SLC24A2: variants seen among roughly 807,000 people sequenced by gnomAD.
SLC24A2 encodes the protein solute carrier family 24 member 2, also known as sodium/potassium/calcium exchanger 2.
SLC24A2 carries 36 observed loss-of-function variants against 62.0 expected under a neutral mutation model. The observed-to-expected ratio is 0.58, with a 90% CI of 0.44 to 0.77. The LOEUF (loss-of-function observed/expected upper bound fraction) is 0.77, where lower values mean the gene tolerates loss of function less well. SLC24A2 is among the 30% of genes least tolerant of loss of function. The probability of loss-of-function intolerance (pLI) is 0.00; values close to 1 mark genes in which losing one functional copy is unlikely to be tolerated. For missense variants in SLC24A2, 846 were observed against 817.9 expected (o/e 1.03, Z -0.42); for synonymous variants, 358 against 294.0 (o/e 1.22, Z -2.23).
chr9:19,841,855 C>A, the SLC24A2 span, among the ~76,000 whole-genome samples: 1 of 152,202 alleles, frequency 6.6e-6, no homozygotes, highest in South Asian at 2.1e-4. Context: ...ATATCAGTAA[C>A]ACCAGCCACC....
chr9:19,637,966 A>C lies in SLC24A2; in HGVS notation c.931-15667T>G, dbSNP rs142062575. Among the ~76,000 whole-genome samples the C allele has an allele frequency of 3.8e-3, 572 of 152,322 alleles. 4 individuals are homozygous for C. Among genetic ancestry groups the C allele is most frequent in the Non-Finnish European group, 4.6e-3 (313 of 68,032 alleles). On this transcript the variant is annotated intron_variant, in intron 2 of 10. Transcript: ENST00000341998. Reference sequence around the variant, plus strand: ...ATTTTGTGCTAGCTTCTGTTGAAAAATGTACAGTGAGAGAGAAATCAATAG... The same window carrying C: ...ATTTTGTGCTAGCTTCTGTTGAAAACTGTACAGTGAGAGAGAAATCAATAG...
the SLC24A2 span, among the ~76,000 whole-genome samples, chr9:20,180,106 C>A: frequency 1.3e-5 from 2 of 152,110 alleles, no homozygotes; most frequent in African/African-American, 4.8e-5. Context: ...GTATAAGAAA[C>A]AAGTGTAGGT....
At chr9:19,669,202 A>C (rs1225557127) in intron 2 of SLC24A2, among the ~76,000 whole-genome samples, 1 of 152,170 alleles carries the variant, frequency 6.6e-6, no homozygotes, top group African/African-American at 2.4e-5. Context: ...GAAAAAGAGA[A>C]AGAGAGGCTC....
chr9:19,809,383 C>G, the SLC24A2 span, among the ~76,000 whole-genome samples: 1 of 152,102 alleles, frequency 6.6e-6, no homozygotes, highest in African/African-American at 2.4e-5. Flanking sequence ...ATTTACAAAA[C>G]TAACGTACCT....
chr9:20,105,262 C>A, the SLC24A2 span, among the ~76,000 whole-genome samples: 6 of 152,118 alleles, frequency 3.9e-5, no homozygotes, highest in African/African-American at 9.7e-5. Flanking sequence ...GACTTTAACA[C>A]CCCATTGTCA....
chr9:19,686,506 T>C (rs998019874), intron 2 of SLC24A2, among the ~76,000 whole-genome samples: 5 of 152,106 alleles, frequency 3.3e-5, no homozygotes, highest in African/African-American at 1.2e-4. Context: ...TGAGTTGTAG[T>C]TTCCATAATC....
At chr9:19,716,208 G>T (rs1404404159) in intron 2 of SLC24A2, among the ~76,000 whole-genome samples, 1 of 151,924 alleles carries the variant, frequency 6.6e-6, no homozygotes, top group East Asian at 1.9e-4. Context: ...CATATCGCAA[G>T]ATACCATGTG....
At chr9:19,953,912 T>A in the SLC24A2 span, among the ~76,000 whole-genome samples, 142 of 152,124 alleles carry the variant, frequency 9.3e-4, no homozygotes, top group African/African-American at 3.0e-3. Context: ...GAAAATATTA[T>A]CCTGAGCTAG....
the SLC24A2 span, among the ~76,000 whole-genome samples, chr9:20,226,018 C>T: frequency 6.6e-6 from 1 of 152,174 alleles, no homozygotes; most frequent in Non-Finnish European, 1.5e-5. Flanking sequence ...TACAGTTTGT[C>T]AATGAAAACC....
the SLC24A2 span, among the ~76,000 whole-genome samples, chr9:20,077,316 T>C: frequency 6.6e-6 from 1 of 152,190 alleles, no homozygotes; most frequent in Non-Finnish European, 1.5e-5. Context: ...AAAGTAACTA[T>C]GTGAGATGAT....
chr9:20,181,650 A>T, the SLC24A2 span, among the ~76,000 whole-genome samples: 1 of 152,226 alleles, frequency 6.6e-6, no homozygotes, highest in Admixed American at 6.5e-5. Context: ...TGGATTAAAG[A>T]CTTAAAGGTA....
chr9:19,689,272 G>T (rs893356103), intron 2 of SLC24A2, among the ~76,000 whole-genome samples: 4 of 151,898 alleles, frequency 2.6e-5, no homozygotes, highest in African/African-American at 4.8e-5. Flanking sequence ...CCCGAAGAAG[G>T]AAAAAAAGAG....
the SLC24A2 span, among the ~76,000 whole-genome samples, chr9:20,280,990 C>T: frequency 6.6e-6 from 1 of 152,150 alleles, no homozygotes; most frequent in East Asian, 1.9e-4. Context: ...AATGCAGTGG[C>T]ACTATCTTGG....
chr9:20,009,178 G>T, the SLC24A2 span, among the ~76,000 whole-genome samples: 1 of 152,082 alleles, frequency 6.6e-6, no homozygotes, highest in Non-Finnish European at 1.5e-5. Flanking sequence ...TGTGAAAGAG[G>T]CTCACTCCAG....
At chr9:19,903,972 C>G in the SLC24A2 span, among the ~76,000 whole-genome samples, 2 of 152,166 alleles carry the variant, frequency 1.3e-5, no homozygotes, top group Non-Finnish European at 2.9e-5. Flanking sequence ...GGGAAGGTGG[C>G]TGAGACCATG....
At chr9:19,744,136 T>G (rs1821760069) in intron 2 of SLC24A2, among the ~76,000 whole-genome samples, 1 of 152,092 alleles carries the variant, frequency 6.6e-6, no homozygotes, top group South Asian at 2.1e-4. Context: ...CTTTCTCTTA[T>G]TTTCCCTAGG....
chr9:20,287,226 C>T, the SLC24A2 span, among the ~76,000 whole-genome samples: 1 of 152,170 alleles, frequency 6.6e-6, no homozygotes, highest in African/African-American at 2.4e-5. Context: ...TTTAAAAGGA[C>T]AATGGGACAT....
the SLC24A2 span, among the ~76,000 whole-genome samples, chr9:19,967,064 T>A: frequency 6.6e-6 from 1 of 152,168 alleles, no homozygotes; most frequent in African/African-American, 2.4e-5. Context: ...ACTGCACCCA[T>A]GTGTAAAAAT....
rs577438147 is a variant in SLC24A2, at chr9:19,566,960, T to TG, written c.1347+6390dup. Among the ~76,000 whole-genome samples the TG allele has an allele frequency of 1.2e-4, 14 of 120,028 alleles. No homozygotes were observed. The South Asian group carries it at 3.0e-3, about 26-fold the overall frequency. 78.7% of individuals were successfully genotyped at this position (120,028 alleles called of 152,430 possible). ...GAACATCACACACCGGGGCCTGTTG[T>TG]GGGGTGGGGGAGGGGGGATGGAAAG... On this transcript the variant is annotated intron_variant, in intron 7 of 10. Coordinates refer to ENST00000341998, the MANE Select transcript of SLC24A2 (RefSeq NM_020344.4).
Sources: allele counts gnomAD v4.1 joint callset (sites outside exome capture counted in the v4.1 genomes callset), GRCh38; gene constraint gnomAD v4.1.1; transcripts MANE v1.5; gene names NCBI Gene and HGNC (gene_info 2026-07-23, HGNC 2026-07-21).